ATG13: variants seen among roughly 807,000 people sequenced by gnomAD.
ATG13 encodes the protein autophagy related 13, also known as autophagy-related protein 13.
Under a neutral mutation model 65.5 loss-of-function variants are expected in ATG13, and 23 were observed. The observed-to-expected ratio is 0.35, with a 90% CI of 0.25 to 0.50. The LOEUF (loss-of-function observed/expected upper bound fraction) is 0.50. Ranked by LOEUF, ATG13 falls within the 20% of genes least tolerant of loss-of-function variation. The pLI is 0.98. For missense variants in ATG13, 566 were observed against 677.0 expected (o/e 0.84, Z 1.82); for synonymous variants, 252 against 245.2 (o/e 1.03, Z -0.26).
At chr11:46,645,170 T>G (rs559463345) in intron 3 of ATG13, among the ~76,000 whole-genome samples, 169 bp from the exon 4 acceptor site, 1 of 152,316 alleles carries the variant, frequency 6.6e-6, no homozygotes, top group South Asian at 2.1e-4. Flanking sequence ...GTATGTGGTG[T>G]TTTTTCTGTT....
intron 3 of ATG13, 56 bp downstream of exon 3, chr11:46,644,416 C>G (rs1190070125): frequency 6.2e-6 from 9 of 1,445,192 alleles, no homozygotes; most frequent in South Asian, 1.2e-5. Flanking sequence ...CCGTGCTTCT[C>G]CCTTTTGCGA....
intron 11 of ATG13, among the ~76,000 whole-genome samples, chr11:46,663,040 C>T (rs1006341782): frequency 1.3e-5 from 2 of 151,948 alleles, no homozygotes; most frequent in African/African-American, 2.4e-5. Flanking sequence ...CCGAGGTGGG[C>T]GGATCACGAG....
intron 7 of ATG13, among the ~76,000 whole-genome samples, chr11:46,653,575 T>G (rs1206981872): frequency 1.3e-5 from 2 of 151,650 alleles, no homozygotes; most frequent in East Asian, 1.9e-4. Flanking sequence ...TCTTTTTTTT[T>G]TTTTTGTTTT....
chr11:46,645,647 A>G (rs996680793), intron 4 of ATG13, among the ~76,000 whole-genome samples: 1 of 152,234 alleles, frequency 6.6e-6, no homozygotes, highest in African/African-American at 2.4e-5. Flanking sequence ...AGTCCTTGTA[A>G]GATAAAAATT....
At position 46,667,632 on chromosome 11, in the gene ATG13, A is replaced by G. The variant is rs140572040; in HGVS notation, c.1137-141A>G. ...GCAATAGTGGCATCAGCCAGACCAC[A>G]TAATGCCATCTCCCATTGATGGGCC... is the stretch of plus-strand genomic sequence containing the variant. On this transcript the variant is annotated intron_variant, in intron 14 of 18. Coordinates refer to ENST00000683050, the MANE Select transcript of ATG13 (RefSeq NM_001346311.2). 8.5e-3 allele frequency: 4,584 copies of G among 536,412 alleles called. 19 individuals carry two copies. Among genetic ancestry groups the G allele is most frequent in the Admixed American group, 0.013 (432 of 32,390 alleles). The allele number at this position is 536,412 out of a possible 1,614,324, so 33.2% of individuals were successfully genotyped here. A position where few individuals can be genotyped will look rare whatever the true frequency, so the allele number is the denominator to read the frequency against.
chr11:46,652,954 C>T (rs2059216292), intron 7 of ATG13, among the ~76,000 whole-genome samples: 1 of 151,976 alleles, frequency 6.6e-6, no homozygotes, highest in African/African-American at 2.4e-5. Flanking sequence ...TTTTTTAGGA[C>T]ACAGCCATCC....
intron 12 of ATG13, among the ~76,000 whole-genome samples, chr11:46,664,587 G>A (rs569908682): frequency 2.0e-5 from 3 of 152,296 alleles, no homozygotes; most frequent in South Asian, 2.1e-4. Context: ...CTGGGAAAAC[G>A]GGGAGCAAGG....
intron 1 of ATG13, among the ~76,000 whole-genome samples, chr11:46,626,396 A>T (rs576404319): frequency 1.3e-5 from 2 of 152,034 alleles, no homozygotes; most frequent in Non-Finnish European, 2.9e-5. Context: ...GATTACAGGC[A>T]CGCACCACCA....
chr11:46,649,535 C>A (rs189106671), intron 6 of ATG13, among the ~76,000 whole-genome samples: 2 of 152,316 alleles, frequency 1.3e-5, no homozygotes, highest in Admixed American at 6.5e-5. Flanking sequence ...GTGTGGCAGC[C>A]ATCCAATAAG....
chr11:46,625,219 G>T (rs571150221), intron 1 of ATG13: 10 of 149,064 alleles, frequency 6.7e-5, no homozygotes, highest in Middle Eastern at 3.5e-3. Context: ...GGAAAAAAAG[G>T]CATACAGATT....
At chr11:46,622,245 C>CTAG (rs1028672822) in intron 1 of ATG13, among the ~76,000 whole-genome samples, 74 of 150,858 alleles carry the variant, frequency 4.9e-4, no homozygotes, top group African/African-American at 1.6e-3. Flanking sequence ...AGCCTCCCGT[C>CTAG]TAGCTGGGAC....
chr11:46,655,170 C>T (rs189708643), intron 7 of ATG13, among the ~76,000 whole-genome samples: 46 of 151,886 alleles, frequency 3.0e-4, no homozygotes, highest in African/African-American at 8.5e-4. Flanking sequence ...GAGGCTGAGA[C>T]GGGCGGATCA....
intron 1 of ATG13, among the ~76,000 whole-genome samples, chr11:46,620,406 C>T (rs1274186525): frequency 2.6e-5 from 4 of 151,750 alleles, no homozygotes; most frequent in African/African-American, 9.7e-5. Flanking sequence ...GGCAATCTCT[C>T]TTATCCTGGT....
intron 11 of ATG13, among the ~76,000 whole-genome samples, chr11:46,663,156 C>CT (rs1219205714): frequency 1.3e-5 from 2 of 149,124 alleles, no homozygotes; most frequent in Non-Finnish European, 3.0e-5. Flanking sequence ...GTCTCAGCCA[C>CT]TTAGGAGGCT....
intron 1 of ATG13, among the ~76,000 whole-genome samples, chr11:46,619,168 C>G (rs1222990860): frequency 6.6e-6 from 1 of 151,816 alleles, no homozygotes; most frequent in African/African-American, 2.4e-5. Context: ...TTGTGGAAAC[C>G]AATAAAAACT....
intron 1 of ATG13, among the ~76,000 whole-genome samples, chr11:46,621,504 G>A (rs2047497199): frequency 6.6e-6 from 1 of 152,070 alleles, no homozygotes; most frequent in African/African-American, 2.4e-5. Flanking sequence ...GTTTCTTGGG[G>A]TTTCAGTGTT....
At chr11:46,638,321 C>T (rs1565471011) in intron 2 of ATG13, among the ~76,000 whole-genome samples, 1 of 152,100 alleles carries the variant, frequency 6.6e-6, no homozygotes, top group Non-Finnish European at 1.5e-5. Flanking sequence ...CCTATAATCC[C>T]AGCTACTCAG....
In ATG13 at chr11:46,650,271, T is replaced by C; in HGVS notation, c.412T>C (p.Tyr138His). The C allele has an allele frequency of 6.2e-7, 1 of 1,614,148 alleles. No individual in the cohort carries two copies. Among genetic ancestry groups the C allele is most frequent in the East Asian group, 2.2e-5 (1 of 44,882 alleles). Residue 138 changes from tyrosine to histidine, a missense_variant, in exon 7 of 19, where the codon TAT (tyrosine) becomes CAT (histidine). Around this residue, in one of 2 missense-constraint regions of ATG13, gnomAD observed 179 missense variants for 267.2 expected, o/e 0.67. Coordinates refer to ENST00000683050, the MANE Select transcript of ATG13 (RefSeq NM_001346311.2). Reference protein sequence around the residue: ...LLAITRVTPAYRLSRKQGHEY... With the variant: ...LLAITRVTPAHRLSRKQGHEY... Reference sequence around the variant, plus strand: ...TGCTATAACTAGGGTGACACCAGCCTATAGGCTCTCCAGGAAACAAGGGCA... The same window carrying C: ...TGCTATAACTAGGGTGACACCAGCCCATAGGCTCTCCAGGAAACAAGGGCA...
intron 2 of ATG13, among the ~76,000 whole-genome samples, chr11:46,641,072 G>A (rs570607575): frequency 1.3e-5 from 2 of 152,146 alleles, no homozygotes; most frequent in African/African-American, 4.8e-5. Flanking sequence ...ATCATCAGTA[G>A]AATTTTATTT....
Sources: allele counts gnomAD v4.1 joint callset (sites outside exome capture counted in the v4.1 genomes callset), GRCh38; gene constraint gnomAD v4.1.1; regional missense constraint gnomAD v4.1.1; transcripts MANE v1.5; gene names NCBI Gene and HGNC (gene_info 2026-07-23, HGNC 2026-07-21).